UST: variants seen among roughly 807,000 people sequenced by gnomAD.
UST encodes the protein uronyl 2-sulfotransferase.
A neutral mutation model predicts 45.6 loss-of-function variants in UST; 21 were observed. The ratio of observed to expected loss-of-function variants is 0.46; its 90% CI spans 0.33 to 0.66. The LOEUF is 0.66. UST is among the 30% of genes least tolerant of loss of function. UST has a pLI of 0.02. For synonymous variants in UST, 215 were observed against 200.6 expected, an observed-to-expected ratio of 1.07 and a Z score of -0.61; for missense variants, 463 against 512.4, an observed-to-expected ratio of 0.90 and a Z score of 0.93.
intron 1 of UST, among the ~76,000 whole-genome samples, chr6:148,781,395 A>G (rs1776641957): frequency 6.6e-6 from 1 of 152,134 alleles, no homozygotes; most frequent in Non-Finnish European, 1.5e-5. Flanking sequence ...CAAGGTCCTA[A>G]CTCTCTTCAG....
chr6:149,067,825 G>T (rs1167340040), intron 7 of UST, among the ~76,000 whole-genome samples: 1 of 152,206 alleles, frequency 6.6e-6, no homozygotes. Context: ...ATCACCAGAA[G>T]TCTGTCGTTT....
intron 7 of UST, among the ~76,000 whole-genome samples, chr6:149,028,103 G>A (rs574409740): frequency 1.2e-4 from 19 of 152,044 alleles, no homozygotes; most frequent in East Asian, 5.8e-4. Flanking sequence ...CTCGGCCTCC[G>A]AAAGTGCTGG....
Position 148,768,009 on chromosome 6 carries a change from C to T in UST, c.247+20332C>T, listed in dbSNP as rs1391623955. Among the ~76,000 whole-genome samples the T allele has an allele frequency of 5.9e-5, 9 of 152,190 alleles. No homozygotes were observed. In the East Asian group the frequency reaches 1.5e-3, roughly 26 times the overall value. On this transcript the variant is annotated intron_variant, in intron 1 of 7. Coordinates refer to ENST00000367463, the MANE Select transcript of UST (RefSeq NM_005715.3). ...AAATTGTTGCAGACTTCCCTATTGCCTTGGGATAAATTCCTAGACTTGGAA... is the reference window on the plus strand; with the variant it reads ...AAATTGTTGCAGACTTCCCTATTGCTTTGGGATAAATTCCTAGACTTGGAA...
At position 149,001,248 on chromosome 6, in the gene UST, A is replaced by G. The variant is rs190480439; in HGVS notation, c.682-17891A>G. On this transcript the variant is annotated intron_variant, in intron 5 of 7. Coordinates refer to ENST00000367463, the MANE Select transcript of UST (RefSeq NM_005715.3). ...CACCACGCCTGGCTAATTTTTTTGT[A>G]TTTTTAGTAGAGTCAGGGTTTTACC... Among the ~76,000 whole-genome samples the G allele has an allele frequency of 4.0e-5, 6 of 151,820 alleles. No individual in the cohort carries two copies. In the East Asian group the frequency reaches 1.2e-3, roughly 29 times the overall value.
chr6:149,071,370 A>G (rs775034839), intron 7 of UST, among the ~76,000 whole-genome samples: 4 of 152,242 alleles, frequency 2.6e-5, no homozygotes, highest in Non-Finnish European at 5.9e-5. Flanking sequence ...AGTAAATTAT[A>G]TACCTATTCA....
intron 2 of UST, among the ~76,000 whole-genome samples, chr6:148,916,011 C>G (rs998121836): frequency 2.1e-5 from 3 of 142,704 alleles, no homozygotes; most frequent in Non-Finnish European, 4.8e-5. Context: ...AACAGACTGT[C>G]ACTTCTCTAA....
intron 1 of UST, among the ~76,000 whole-genome samples, chr6:148,838,965 A>G (rs1401153692): frequency 6.6e-6 from 1 of 152,104 alleles, no homozygotes; most frequent in Non-Finnish European, 1.5e-5. Flanking sequence ...GCTGCCCAAT[A>G]TTCAATTTCA....
At chr6:148,897,568 T>A (rs1779161001) in intron 2 of UST, among the ~76,000 whole-genome samples, 1 of 151,934 alleles carries the variant, frequency 6.6e-6, no homozygotes, top group Admixed American at 6.6e-5. Flanking sequence ...CATAGCTCAC[T>A]GTAGCCTTGA....
chr6:148,944,664 T>A (rs1321548982), intron 3 of UST, among the ~76,000 whole-genome samples: 1 of 152,180 alleles, frequency 6.6e-6, no homozygotes, highest in Non-Finnish European at 1.5e-5. Context: ...ACTACATCTG[T>A]CCTTATAAAA....
intron 5 of UST, among the ~76,000 whole-genome samples, chr6:148,992,486 A>C (rs1044459140): frequency 2.6e-5 from 4 of 152,160 alleles, no homozygotes; most frequent in African/African-American, 9.7e-5. Context: ...AAAACAAAAA[A>C]CAAAAACAGT....
intron 2 of UST, among the ~76,000 whole-genome samples, chr6:148,901,822 G>A (rs943864616): frequency 2.6e-5 from 4 of 152,174 alleles, no homozygotes; most frequent in Non-Finnish European, 5.9e-5. Context: ...GCCTCCCAAA[G>A]TGTTGGGATT....
At chr6:148,834,618 C>A (rs1256856318) in intron 1 of UST, among the ~76,000 whole-genome samples, 3 of 152,128 alleles carry the variant, frequency 2.0e-5, no homozygotes, top group Non-Finnish European at 4.4e-5. Flanking sequence ...GCCTGTAGTC[C>A]CAGCTACTCA....
chr6:148,953,948 C>T lies in UST; in HGVS notation c.524C>T (p.Ser175Leu). ...CGACATGTTCATTTCCTCAACTTCT[C>T]AAGGTAAGACATTTTCCAGTTTAAT... ...FTRHVHFLNF[S>L]RFGGDQPVYI... The change falls in exon 4 of 8, where the codon TCA becomes TTA. Residue 175 changes from serine (S) to leucine (L), a missense_variant. Around this residue, in one of 2 missense-constraint regions of UST, gnomAD observed 287 missense variants for 374.2 expected, o/e 0.77. Transcript: ENST00000367463. 1.2e-6 allele frequency: 2 copies of T among 1,600,772 alleles called. No homozygotes were observed. Among genetic ancestry groups the T allele is most frequent in the Non-Finnish European group, 1.7e-6 (2 of 1,173,278 alleles).
At chr6:148,776,912 T>A (rs943095367) in intron 1 of UST, among the ~76,000 whole-genome samples, 1 of 152,116 alleles carries the variant, frequency 6.6e-6, no homozygotes, top group African/African-American at 2.4e-5. Flanking sequence ...CACTCTTGGG[T>A]CTGTTGTAGG....
At chr6:148,776,492 C>A (rs1776537670) in intron 1 of UST, among the ~76,000 whole-genome samples, 1 of 152,062 alleles carries the variant, frequency 6.6e-6, no homozygotes, top group South Asian at 2.1e-4. Flanking sequence ...CTTTTCTGCA[C>A]GTGGTGAGTT....
chr6:148,921,519 A>G (rs1395563513), intron 2 of UST, among the ~76,000 whole-genome samples: 3 of 151,870 alleles, frequency 2.0e-5, no homozygotes, highest in Non-Finnish European at 4.4e-5. Flanking sequence ...CAAAACAAAA[A>G]CTCTACCTCT....
At chr6:148,972,723 G>T (rs1780943012) in intron 5 of UST, among the ~76,000 whole-genome samples, 2 of 152,252 alleles carry the variant, frequency 1.3e-5, no homozygotes, top group East Asian at 3.8e-4. Flanking sequence ...CGCCGCTGGC[G>T]CTCAGCGCTG....
chr6:149,038,989 T>C (rs1309276605), intron 7 of UST, among the ~76,000 whole-genome samples: 2 of 152,216 alleles, frequency 1.3e-5, no homozygotes, highest in Non-Finnish European at 2.9e-5. Context: ...AATATTTTTA[T>C]GTATTTGTTG....
intron 1 of UST, among the ~76,000 whole-genome samples, chr6:148,850,024 A>G (rs984802552): frequency 4.6e-5 from 7 of 152,206 alleles, no homozygotes; most frequent in African/African-American, 1.7e-4. Context: ...CTGGGGATAT[A>G]TACCCACTCT....
Sources: allele counts gnomAD v4.1 joint callset (sites outside exome capture counted in the v4.1 genomes callset), GRCh38; gene constraint gnomAD v4.1.1; regional missense constraint gnomAD v4.1.1; transcripts MANE v1.5; gene names NCBI Gene and HGNC (gene_info 2026-07-23, HGNC 2026-07-21).